Variants in MGAT5 observed in about 807,000 individuals in gnomAD.
MGAT5 encodes the protein alpha-1,6-mannosylglycoprotein 6-beta-N-acetylglucosaminyltransferase A.
In MGAT5, 30 loss-of-function variants were observed where a neutral mutation model predicts 94.3. That is an observed-to-expected ratio of 0.32 (90% CI 0.24 to 0.43). The LOEUF (loss-of-function observed/expected upper bound fraction) is 0.43, where lower values mean the gene tolerates loss of function less well. Among genes scored for constraint, MGAT5 ranks in the 20% least tolerant of loss-of-function variants. MGAT5 has a pLI of 1.00. For synonymous variants in MGAT5, 310 were observed against 322.9 expected, an observed-to-expected ratio of 0.96 and a Z score of 0.43; for missense variants, 691 against 905.5, an observed-to-expected ratio of 0.76 and a Z score of 3.04.
At chr2:134,382,551 G>A (rs1681700863) in intron 10 of MGAT5, among the ~76,000 whole-genome samples, 1 of 152,168 alleles carries the variant, frequency 6.6e-6, no homozygotes, top group South Asian at 2.1e-4. Context: ...AGGAACACGA[G>A]TATTCTAGGT....
intron 9 of MGAT5, among the ~76,000 whole-genome samples, chr2:134,359,848 C>T (rs1056497121): frequency 4.6e-5 from 7 of 152,120 alleles, no homozygotes; most frequent in East Asian, 1.9e-4. Context: ...CAGATGTTAC[C>T]GGGTGGGCTC....
rs10689923 is a variant in MGAT5, at chr2:134,169,439, CATAT to C, written c.-143+49152_-143+49155del. Reference sequence around the variant, plus strand: ...ACACACACACACACACACACACACACATATATAAAAGATTGAATTGTACTTCCAT... The same window carrying C: ...ACACACACACACACACACACACACACATAAAAGATTGAATTGTACTTCCAT... On this transcript the variant is annotated intron_variant, in intron 1 of 16. Coordinates refer to the MGAT5 transcript ENST00000409645. 1.3e-3 allele frequency among the ~76,000 whole-genome samples: 182 copies of C among 139,456 alleles called. 1 individual carries two copies. The highest frequency in any genetic ancestry group is 3.8e-3 in the African/African-American group (145 of 38,274). 91.5% of individuals were successfully genotyped at this position (139,456 alleles called of 152,430 possible).
At chr2:134,421,464 A>G (rs1684287937) in intron 12 of MGAT5, among the ~76,000 whole-genome samples, 1 of 152,086 alleles carries the variant, frequency 6.6e-6, no homozygotes, top group African/African-American at 2.4e-5. Flanking sequence ...GCGCACCTAT[A>G]GTTCCAGCTA....
At chr2:134,140,131 C>A (rs886114037) in intron 1 of MGAT5, among the ~76,000 whole-genome samples, 2 of 152,222 alleles carry the variant, frequency 1.3e-5, no homozygotes, top group Non-Finnish European at 2.9e-5. Context: ...GTGTGAGCCA[C>A]TCCCTGAAGA....
intron 10 of MGAT5, among the ~76,000 whole-genome samples, chr2:134,394,132 A>G (rs943726163): frequency 7.2e-5 from 11 of 152,118 alleles, no homozygotes; most frequent in Non-Finnish European, 1.5e-4. Context: ...TTTCTACATA[A>G]TTACTATATA....
chr2:134,248,066 T>C (rs1682385177), intron 1 of MGAT5, among the ~76,000 whole-genome samples: 1 of 152,216 alleles, frequency 6.6e-6, no homozygotes, highest in South Asian at 2.1e-4. Flanking sequence ...AATACCTGAC[T>C]ACCATCACAT....
rs995804468 is a variant in MGAT5 at position 134,361,577 on chromosome 2, T to C, written c.1247-698T>C. Among the ~76,000 whole-genome samples, 10 of 152,184 alleles carry C rather than the reference T, an allele frequency of 6.6e-5. 1 individual carries two copies. The highest frequency in any genetic ancestry group is 5.2e-4 in the Admixed American group (8 of 15,278). ...CGTTAGAGAAGTTACAGAACCCAAA[T>C]GAGAGAAATCCAAAATTTTCTCTTC... On this transcript the variant is annotated intron_variant, in intron 9 of 15. Transcript: ENST00000281923.
chr2:134,316,802 G>C (rs1450682360), intron 2 of MGAT5, among the ~76,000 whole-genome samples: 7 of 152,132 alleles, frequency 4.6e-5, no homozygotes, highest in African/African-American at 2.4e-5. Flanking sequence ...GGAGCATATT[G>C]AATGTTTCTA....
At chr2:134,194,138 G>T (rs189363075) in intron 1 of MGAT5, among the ~76,000 whole-genome samples, 1 of 152,164 alleles carries the variant, frequency 6.6e-6, no homozygotes, top group Admixed American at 6.5e-5. Flanking sequence ...TTTTAGGAAG[G>T]AGAAAGAGGT....
chr2:134,264,468 G>C (rs954881458), intron 1 of MGAT5, among the ~76,000 whole-genome samples: 1 of 152,218 alleles, frequency 6.6e-6, no homozygotes, highest in African/African-American at 2.4e-5. Context: ...TAAGTTTACA[G>C]TCTAGTGATT....
At chr2:134,176,381 G>A (rs542573324) in intron 1 of MGAT5, among the ~76,000 whole-genome samples, 1 of 152,138 alleles carries the variant, frequency 6.6e-6, no homozygotes, top group South Asian at 2.1e-4. Flanking sequence ...AGAACAGCCT[G>A]GCCAACGTGG....
chr2:134,341,068 A>G (rs1418448745), intron 6 of MGAT5, among the ~76,000 whole-genome samples: 4 of 152,178 alleles, frequency 2.6e-5, no homozygotes, highest in Non-Finnish European at 5.9e-5. Flanking sequence ...TTACAGATGA[A>G]AGGATATGTC....
chr2:134,265,540 A>G (rs1273240250), intron 1 of MGAT5, among the ~76,000 whole-genome samples: 1 of 152,196 alleles, frequency 6.6e-6, no homozygotes, highest in East Asian at 1.9e-4. Flanking sequence ...ATAGAAACCA[A>G]AGCCTGCTTT....
chr2:134,366,659 G>A (rs1236416601), intron 10 of MGAT5, among the ~76,000 whole-genome samples: 1 of 152,158 alleles, frequency 6.6e-6, no homozygotes, highest in Non-Finnish European at 1.5e-5. Flanking sequence ...CACATCACCT[G>A]AGGATCTTGT....
At chr2:134,416,765 ATTT>A (rs10548586) in intron 12 of MGAT5, among the ~76,000 whole-genome samples, 102 of 130,664 alleles carry the variant, frequency 7.8e-4, no homozygotes, top group African/African-American at 1.1e-3. Flanking sequence ...CAGCTAATTA[ATTT>A]TTTTTTTTTT....
At chr2:134,261,220 A>G (rs544796407) in intron 1 of MGAT5, among the ~76,000 whole-genome samples, 1 of 152,282 alleles carries the variant, frequency 6.6e-6, no homozygotes, top group Non-Finnish European at 1.5e-5. Context: ...TGGAGTCTCA[A>G]TCTCAATGTG....
intron 1 of MGAT5, among the ~76,000 whole-genome samples, chr2:134,212,975 G>A (rs758223097): frequency 2.4e-4 from 36 of 152,310 alleles, no homozygotes; most frequent in Non-Finnish European, 3.7e-4. Flanking sequence ...AAGTTGATGC[G>A]TGTGGGAAAA....
chr2:134,446,778 G>T (rs1179781218), intron 15 of MGAT5, among the ~76,000 whole-genome samples: 1 of 152,180 alleles, frequency 6.6e-6, no homozygotes, highest in Non-Finnish European at 1.5e-5. Flanking sequence ...TCCTGAGCAG[G>T]TCTGGGCTCC....
chr2:134,381,364 T>TAGATAGATAGATAGATAGATAGATA lies in MGAT5; in HGVS notation c.1380+18961_1380+18962insGATAGATAGATAGATAGATAAGATA, dbSNP rs150819045. 9.8e-3 allele frequency among the ~76,000 whole-genome samples: 933 copies of TAGATAGATAGATAGATAGATAGATA among 95,174 alleles called. 19 individuals carry two copies. The highest frequency in any genetic ancestry group is 0.023 in the Middle Eastern group (3 of 128). 62.4% of individuals were successfully genotyped at this position (95,174 alleles called of 152,430 possible). On this transcript the variant is annotated intron_variant, in intron 10 of 15. Coordinates refer to ENST00000281923, the MANE Select transcript of MGAT5 (RefSeq NM_002410.5). ...ATAGATAGATAGATAGATAGATAGA[T>TAGATAGATAGATAGATAGATAGATA]AGATAAGATAAGATAGATTAGATAG...
Sources: allele counts gnomAD v4.1 joint callset (sites outside exome capture counted in the v4.1 genomes callset), GRCh38; gene constraint gnomAD v4.1.1; transcripts MANE v1.5; gene names NCBI Gene and HGNC (gene_info 2026-07-23, HGNC 2026-07-21).